CNNM2: variants seen among roughly 807,000 people sequenced by gnomAD.
The protein encoded by CNNM2 is cyclin and CBS domain divalent metal cation transport mediator 2.
In CNNM2, 12 loss-of-function variants were observed where a neutral mutation model predicts 66.9. The observed-to-expected ratio is 0.18, with a 90% CI of 0.11 to 0.29. The LOEUF is 0.29. CNNM2 is among the 10% of genes least tolerant of loss of function. The pLI, the probability that CNNM2 is intolerant of heterozygous loss-of-function variation, is 1.00. For synonymous variants in CNNM2, 557 were observed against 501.8 expected, an observed-to-expected ratio of 1.11 and a Z score of -1.47; for missense variants, 705 against 1,167.7, an observed-to-expected ratio of 0.60 and a Z score of 5.77.
Position 102,918,853 on chromosome 10 carries a change from CGGCGGCGCCACAGCCCGGGGGAGCGCG to C in CNNM2, c.377_403del (p.Arg126_Gly134del), listed in dbSNP as rs774457462. 1 of 1,584,732 alleles carries C rather than the reference CGGCGGCGCCACAGCCCGGGGGAGCGCG, an allele frequency of 6.3e-7. No individual in the cohort carries two copies. The highest frequency in any genetic ancestry group is 1.4e-5 in the African/African-American group (1 of 73,956). On this transcript the variant is annotated inframe_deletion, in exon 1 of 8. Coordinates refer to ENST00000369878, the MANE Select transcript of CNNM2 (RefSeq NM_017649.5). This position sits in a 1 kb window ranked among gnomAD's most constrained non-coding sequence, Gnocchi z 4.1. Reference sequence around the variant, plus strand: ...CCGCATCGCCTTCACCGAGCACGAGCGGCGGCGCCACAGCCCGGGGGAGCGCGGGCTGGGGGGCCCCGCGCCGCCAGA... The same window carrying C: ...CCGCATCGCCTTCACCGAGCACGAGCGGCTGGGGGGCCCCGCGCCGCCAGA...
At chr10:102,958,476 T>G (rs1395915154) in intron 1 of CNNM2, among the ~76,000 whole-genome samples, 2 of 125,282 alleles carry the variant, frequency 1.6e-5, no homozygotes, top group Admixed American at 8.0e-5. Flanking sequence ...TTTTTTTTTT[T>G]TTTTTTTTTT....
At chr10:102,988,771 T>TA (rs2063844022) in intron 1 of CNNM2, among the ~76,000 whole-genome samples, 1 of 152,104 alleles carries the variant, frequency 6.6e-6, no homozygotes, top group South Asian at 2.1e-4. Context: ...CATCCACAAT[T>TA]AGAGAATATT....
intron 1 of CNNM2, among the ~76,000 whole-genome samples, chr10:103,006,013 C>T (rs1048493230): frequency 6.6e-5 from 10 of 152,072 alleles, no homozygotes; most frequent in African/African-American, 1.9e-4. Flanking sequence ...TGAATGTAAT[C>T]GTGTCATATG....
intron 1 of CNNM2, among the ~76,000 whole-genome samples, chr10:103,036,071 G>C (rs1448175023): frequency 6.6e-6 from 1 of 152,036 alleles, no homozygotes; most frequent in Non-Finnish European, 1.5e-5. Flanking sequence ...TAATCCCTTT[G>C]TGGTATAGAT....
chr10:103,068,077 C>A (rs894792839), intron 4 of CNNM2, among the ~76,000 whole-genome samples: 3 of 152,226 alleles, frequency 2.0e-5, no homozygotes, highest in African/African-American at 7.2e-5. Context: ...ACAGCCTAGG[C>A]AGCCATCGCC....
intron 1 of CNNM2, among the ~76,000 whole-genome samples, chr10:103,001,798 G>A (rs577334426): frequency 1.8e-4 from 28 of 152,152 alleles, no homozygotes; most frequent in Admixed American, 1.6e-3. Flanking sequence ...GAGGTCAGGA[G>A]TTCGAGACCA....
intron 1 of CNNM2, among the ~76,000 whole-genome samples, chr10:102,950,831 T>C (rs577192598): frequency 6.6e-6 from 1 of 152,226 alleles, no homozygotes; most frequent in East Asian, 1.9e-4. Context: ...AAAGCAAGAA[T>C]TGCAAGATAA....
At chr10:102,998,316 G>A (rs935518578) in intron 1 of CNNM2, among the ~76,000 whole-genome samples, 1 of 152,182 alleles carries the variant, frequency 6.6e-6, no homozygotes. Flanking sequence ...AATTAGAATG[G>A]CCTGGCTAAG....
intron 1 of CNNM2, among the ~76,000 whole-genome samples, chr10:102,987,440 C>G (rs1210028705): frequency 1.3e-5 from 2 of 152,074 alleles, no homozygotes; most frequent in African/African-American, 4.8e-5. Flanking sequence ...CCTGCCCCAG[C>G]CTCCTGAGTA....
At chr10:103,035,873 T>A (rs1410628659) in intron 1 of CNNM2, among the ~76,000 whole-genome samples, 1 of 152,216 alleles carries the variant, frequency 6.6e-6, no homozygotes, top group African/African-American at 2.4e-5. Flanking sequence ...TTTAGGTTTC[T>A]TTGTTTCAGA....
intron 1 of CNNM2, among the ~76,000 whole-genome samples, chr10:102,986,140 A>G (rs1162023832): frequency 6.6e-6 from 1 of 152,200 alleles, no homozygotes; most frequent in Non-Finnish European, 1.5e-5. Flanking sequence ...AAGATAATGC[A>G]TGTGATTTAG....
intron 1 of CNNM2, among the ~76,000 whole-genome samples, chr10:102,922,543 A>G (rs1426700034): frequency 6.6e-6 from 1 of 152,122 alleles, no homozygotes; most frequent in Admixed American, 6.5e-5. Flanking sequence ...CTCTCTCCTA[A>G]ATTCCTCATT....
Position 102,919,686 on chromosome 10 carries a change from C to T in CNNM2, c.1206C>T (p.Gly402=), listed in dbSNP as rs961507794. 9.3e-6 allele frequency: 15 copies of T among 1,614,070 alleles called. No individual in the cohort carries two copies. Among genetic ancestry groups the T allele is most frequent in the Admixed American group, 5.0e-5 (3 of 60,008 alleles). ...PVSKLLDCVL[G]QEIGTVYNRE... is the part of the protein sequence containing the mutation. Reference sequence around the variant, plus strand: ...GCAAGCTGCTGGACTGCGTCCTGGGCCAGGAGATAGGCACCGTCTATAACC... The same window carrying T: ...GCAAGCTGCTGGACTGCGTCCTGGGTCAGGAGATAGGCACCGTCTATAACC... Residue 402 remains glycine (G), a synonymous_variant, in exon 1 of 8, where the codon GGC becomes GGT. Coordinates refer to ENST00000369878, the MANE Select transcript of CNNM2 (RefSeq NM_017649.5).
At position 103,089,591 on chromosome 10, in the gene CNNM2, A is replaced by C. The variant is rs2066168264; in HGVS notation, c.*12411A>C. ...GGAGCCCCCTCCCTCCCCCGAGTAG[A>C]ACCCTAACAGGGACCTCGTTTGTTC... On this transcript the variant is annotated 3_prime_UTR_variant, in exon 8 of 8. Coordinates refer to ENST00000369878, the MANE Select transcript of CNNM2 (RefSeq NM_017649.5). 1 of 1,459,266 alleles carries C rather than the reference A, an allele frequency of 6.9e-7. No homozygotes were observed. The highest frequency in any genetic ancestry group is 1.4e-5 in the African/African-American group (1 of 70,406). 90.4% of individuals were successfully genotyped at this position (1,459,266 alleles called of 1,614,324 possible).
chr10:103,085,061 TCTGA>T lies in CNNM2; in HGVS notation c.*7884_*7887del, dbSNP rs2065791292. 6.6e-6 allele frequency: 1 copy of T among 152,152 alleles called. No homozygotes were observed. 9.4% of individuals were successfully genotyped at this position (152,152 alleles called of 1,614,324 possible). On this transcript the variant is annotated 3_prime_UTR_variant, in exon 8 of 8. Transcript: ENST00000369878. The stretch of plus-strand genomic sequence containing the variant: ...AAGGGATGGTTCTAGGGCCCTTTTC[TCTGA>T]CTTTCTGCTGGCATGCCATCTCCCC...
At chr10:102,920,314 T>C (rs1439684988) in intron 1 of CNNM2, among the ~76,000 whole-genome samples, 1 of 152,184 alleles carries the variant, frequency 6.6e-6, no homozygotes, top group East Asian at 1.9e-4. Context: ...AAGACTGCCA[T>C]CACTTACTTT....
chr10:102,920,069 A>G lies in CNNM2; in HGVS notation c.1589A>G (p.Lys530Arg). 1 of 1,614,146 alleles carries G rather than the reference A, an allele frequency of 6.2e-7. No individual in the cohort carries two copies. Residue 530 changes from lysine (K) to arginine (R), a missense_variant, in exon 1 of 8, where the codon AAG (lysine) becomes AGG (arginine). By Grantham distance (26) the Lys-to-Arg change is conservative. Transcript: ENST00000369878. ...TTGCACTTTGTTTTCAATGACACCA[A>G]GTTGGACGCTATGCTGGAAGAATTT... ...HPLHFVFNDT[K>R]LDAMLEEFKK...
chr10:102,962,942 G>C (rs1421203027), intron 1 of CNNM2, among the ~76,000 whole-genome samples: 1 of 152,106 alleles, frequency 6.6e-6, no homozygotes, highest in African/African-American at 2.4e-5. Context: ...GAGTTTTACT[G>C]TATGGATCAC....
At chr10:102,957,934 C>A (rs1199994670) in intron 1 of CNNM2, among the ~76,000 whole-genome samples, 1 of 151,980 alleles carries the variant, frequency 6.6e-6, no homozygotes, top group Non-Finnish European at 1.5e-5. Flanking sequence ...TTCAGAAGCT[C>A]TACTTTTTCT....
Sources: allele counts gnomAD v4.1 joint callset (sites outside exome capture counted in the v4.1 genomes callset), GRCh38; gene constraint gnomAD v4.1.1; non-coding constraint Gnocchi (gnomAD v3.1); transcripts MANE v1.5; gene names NCBI Gene and HGNC (gene_info 2026-07-23, HGNC 2026-07-21).